The following ZNF16 variants were observed in gnomAD, a reference collection of about 807,000 sequenced individuals.
ZNF16 encodes the protein zinc finger protein KOX9.
Under a neutral mutation model 9.0 loss-of-function variants are expected in ZNF16, and 7 were observed. The observed-to-expected ratio is 0.78, with a 90% CI of 0.44 to 1.47. The LOEUF (loss-of-function observed/expected upper bound fraction) is 1.47. Among genes scored for constraint, ZNF16 ranks in the 40% most tolerant of loss-of-function variants. The pLI is 0.01. For synonymous variants in ZNF16, 312 were observed against 301.5 expected, an observed-to-expected ratio of 1.03 and a Z score of -0.36; for missense variants, 830 against 854.2, an observed-to-expected ratio of 0.97 and a Z score of 0.35.
intron 2 of ZNF16, chr8:144,944,334 T>C (rs912827330): frequency 6.6e-6 from 1 of 152,532 alleles, no homozygotes; most frequent in Non-Finnish European, 1.5e-5. Context: ...CCTCCCAAAG[T>C]GCTGGGATGA....
intron 1 of ZNF16, among the ~76,000 whole-genome samples, chr8:144,947,068 CT>C (rs1270397641): frequency 1.5e-5 from 2 of 137,728 alleles, no homozygotes. Flanking sequence ...TGCTGTGGGC[CT>C]GTACCCTACT....
chr8:144,935,087 C>T, intron 2 of ZNF16, among the ~76,000 whole-genome samples: 1 of 152,014 alleles, frequency 6.6e-6, no homozygotes, highest in South Asian at 2.1e-4. Context: ...TGAGAGATCA[C>T]TTTTTGGACT....
At chr8:144,937,947 C>A (rs964552874) in intron 2 of ZNF16, among the ~76,000 whole-genome samples, 1 of 152,158 alleles carries the variant, frequency 6.6e-6, no homozygotes, top group Non-Finnish European at 1.5e-5. Flanking sequence ...GGATTACAGG[C>A]ATGAGCCACC....
rs550247181 is a variant in ZNF16, at chr8:144,933,442, C to T, written c.197-852G>A. ...AAATGCACACAAAGCTCCGTGTCTG[C>T]CAGAAAAGGCTTCAGCATCTCCCTC... On this transcript the variant is annotated intron_variant, in intron 2 of 2. Transcript: ENST00000394909. The surrounding 1 kb of genome is among the most constrained non-coding windows in gnomAD (Gnocchi z 5.6). 6.6e-6 allele frequency among the ~76,000 whole-genome samples: 1 copy of T among 152,300 alleles called. No homozygotes were observed. The highest frequency in any genetic ancestry group is 1.9e-4 in the East Asian group (1 of 5,184).
rs929177594 is a variant in ZNF16 at position 144,931,494 on chromosome 8, C to A, written c.1293G>T (p.Lys431Asn). The A allele has an allele frequency of 1.8e-5, 29 of 1,614,000 alleles. No individual in the cohort carries two copies. The Admixed American group carries it at 4.7e-4, about 26-fold the overall frequency. The change falls in exon 3 of 3, where the codon AAG becomes AAT. Residue 431 changes from lysine to asparagine, a missense_variant. Lys to Asn is a moderately conservative substitution (Grantham distance 94). Coordinates refer to ENST00000394909, the MANE Select transcript of ZNF16 (RefSeq NM_006958.3). The part of the protein sequence containing the change: ...IKHHRVHTGE[K>N]PYKCSDCGKA... ...TCCCACAGTCACTGCACTTATAGGG[C>A]TTCTCTCCAGTGTGAACCCTGTGGT...
intron 1 of ZNF16, among the ~76,000 whole-genome samples, chr8:144,949,906 A>G (rs1834055886): frequency 6.6e-6 from 1 of 152,194 alleles, no homozygotes; most frequent in African/African-American, 2.4e-5. Context: ...GATTGGTAAA[A>G]GAGAAAAGCC....
intron 2 of ZNF16, among the ~76,000 whole-genome samples, chr8:144,934,834 A>G (rs548380772): frequency 6.6e-6 from 1 of 152,316 alleles, no homozygotes; most frequent in Admixed American, 6.5e-5. Flanking sequence ...TCTCTGTCAT[A>G]TGGTCTTCTT....
intron 2 of ZNF16, among the ~76,000 whole-genome samples, chr8:144,943,072 TG>T (rs1349711087): frequency 6.6e-6 from 1 of 152,230 alleles, no homozygotes; most frequent in Non-Finnish European, 1.5e-5. Context: ...TACCTGGATA[TG>T]TTTTAATTTC....
Position 144,931,019 on chromosome 8 carries a change from G to A in ZNF16, c.1768C>T (p.His590Tyr). ...KAFNRSSNLI[H>Y]HQKVHTGEKP... ...TCCCCAGTATGAACTTTCTGGTGGT[G>A]AATGAGATTTGAGCTTCGGTTGAAG... Residue 590 changes from histidine to tyrosine, a missense_variant, in exon 3 of 3, where the codon CAC becomes TAC. Physicochemically the swap from His to Tyr is moderately conservative, Grantham distance 83 (BLOSUM62 2). Transcript: ENST00000394909. 6.2e-7 allele frequency: 1 copy of A among 1,614,222 alleles called. No homozygotes were observed.
In ZNF16 at chr8:144,936,821, A is replaced by T. The variant is rs1007634320; in HGVS notation, c.197-4231T>A. 2.0e-5 allele frequency among the ~76,000 whole-genome samples: 3 copies of T among 150,700 alleles called. No homozygotes were observed. The South Asian group carries it at 6.3e-4, about 32-fold the overall frequency. On this transcript the variant is annotated intron_variant, in intron 2 of 2. Transcript: ENST00000394909. ...GGCTCAATGCAACCTCCGCCTCCTG[A>T]GTAGCTGGGATTACAGGTGCATGCC... is the stretch of plus-strand genomic sequence containing the variant.
intron 2 of ZNF16, among the ~76,000 whole-genome samples, chr8:144,939,330 G>C (rs1833750410): frequency 6.6e-6 from 1 of 152,090 alleles, no homozygotes; most frequent in Non-Finnish European, 1.5e-5. Context: ...TGTGGGCCAG[G>C]CACGGTTGCT....
intron 2 of ZNF16, among the ~76,000 whole-genome samples, chr8:144,937,444 T>C (rs1833712167): frequency 6.6e-6 from 1 of 152,186 alleles, no homozygotes. Context: ...TCTTTTCACG[T>C]TCTTGATAAT....
chr8:144,946,625 T>TGGGCC (rs1833946213), intron 1 of ZNF16, among the ~76,000 whole-genome samples: 1 of 89,052 alleles, frequency 1.1e-5, no homozygotes, highest in African/African-American at 4.5e-5. Context: ...TGTCCTGCTG[T>TGGGCC]TGGGCCTGTG....
intron 1 of ZNF16, among the ~76,000 whole-genome samples, chr8:144,947,199 C>A (rs1236080660): frequency 7.4e-6 from 1 of 135,794 alleles, no homozygotes; most frequent in African/African-American, 3.0e-5. Context: ...GGGCCTGTGT[C>A]CTGCTGTTGG....
chr8:144,947,194 T>C (rs1438495559), intron 1 of ZNF16, among the ~76,000 whole-genome samples: 2 of 137,558 alleles, frequency 1.5e-5, no homozygotes, highest in South Asian at 2.3e-4. Flanking sequence ...GCTGTGGGCC[T>C]GTGTCCTGCT....
intron 1 of ZNF16, among the ~76,000 whole-genome samples, chr8:144,946,741 A>G (rs1189836652): frequency 4.4e-5 from 3 of 68,736 alleles, no homozygotes; most frequent in African/African-American, 1.3e-4. Context: ...GCTGTGGGCC[A>G]TACCCTTCTG....
chr8:144,931,141 T>A lies in ZNF16; in HGVS notation c.1646A>T (p.Glu549Val). ...HTGEKPYECT[E>V]CGKTFSQSST... ...GCTCTGGCTGAAGGTTTTTCCACATTCAGTACATTCATAGGGCTTCTCTCC... is the reference window on the plus strand; with the variant it reads ...GCTCTGGCTGAAGGTTTTTCCACATACAGTACATTCATAGGGCTTCTCTCC... The change falls in exon 3 of 3, where the codon GAA becomes GTA. Residue 549 changes from glutamate to valine, a missense_variant. By Grantham distance (121) the Glu-to-Val change is moderately radical. Coordinates refer to ENST00000394909, the MANE Select transcript of ZNF16 (RefSeq NM_006958.3). 1 of 1,614,192 alleles carries A rather than the reference T, an allele frequency of 6.2e-7. No individual in the cohort carries two copies. Among genetic ancestry groups the A allele is most frequent in the Non-Finnish European group, 8.5e-7 (1 of 1,180,026 alleles).
chr8:144,931,781 G>C lies in ZNF16; in HGVS notation c.1006C>G (p.Leu336Val), dbSNP rs371419931. The C allele has an allele frequency of 2.5e-6, 4 of 1,614,064 alleles. No homozygotes were observed. The African/African-American group carries it at 5.3e-5, about 22-fold the overall frequency. The change falls in exon 3 of 3, where the codon CTC becomes GTC. Residue 336 changes from leucine (L) to valine (V), a missense_variant. Coordinates refer to ENST00000394909, the MANE Select transcript of ZNF16 (RefSeq NM_006958.3). Reference sequence around the variant, plus strand: ...GAATGGATTCTTTGATGTTGGATGAGGTTTGAGCTCCGCCTAAAAGCCTTC... The same window carrying C: ...GAATGGATTCTTTGATGTTGGATGACGTTTGAGCTCCGCCTAAAAGCCTTC... Reference protein sequence around the residue: ...CGKAFRRSSNLIQHQRIHSGE... With the variant: ...CGKAFRRSSNVIQHQRIHSGE...
intron 2 of ZNF16, 21 bp downstream of exon 2, chr8:144,945,990 G>A (rs371491932): frequency 5.3e-5 from 86 of 1,612,472 alleles, no homozygotes; most frequent in South Asian, 1.3e-4. Flanking sequence ...GGGCACCAGC[G>A]GAGAACTGTT....
Sources: allele counts gnomAD v4.1 joint callset (sites outside exome capture counted in the v4.1 genomes callset), GRCh38; gene constraint gnomAD v4.1.1; non-coding constraint Gnocchi (gnomAD v3.1); transcripts MANE v1.5; gene names NCBI Gene and HGNC (gene_info 2026-07-23, HGNC 2026-07-21).